Variants in BGN observed in about 807,000 individuals in gnomAD.
BGN encodes the protein bone/cartilage proteoglycan-I.
Under a neutral mutation model 20.0 loss-of-function variants are expected in BGN, and 6 were observed. That is an observed-to-expected ratio of 0.30 (90% CI 0.16 to 0.59). The LOEUF (loss-of-function observed/expected upper bound fraction) is 0.59. Ranked by LOEUF, BGN falls within the 20% of genes least tolerant of loss-of-function variation. The pLI is 0.88. For missense variants in BGN, 292 were observed against 312.1 expected (o/e 0.94, Z 0.49); for synonymous variants, 146 against 134.6 (o/e 1.08, Z -0.59).
chrX:153,495,970 C>T (rs2089710613), intron 1 of BGN, among the ~76,000 whole-genome samples: 1 of 112,724 alleles, frequency 8.9e-6, no homozygotes, highest in Non-Finnish European at 1.9e-5. Flanking sequence ...AGGGGCCTGC[C>T]AAGGGACCCA....
chrX:153,497,676 A>T (rs1278531082), intron 1 of BGN, among the ~76,000 whole-genome samples: 1 of 110,387 alleles, frequency 9.1e-6, no homozygotes, highest in African/African-American at 3.3e-5. Context: ...GCAGCCTTCC[A>T]GAAAGAACCA....
At position 153,505,261 on chromosome X, in the gene BGN, A is replaced by G; in HGVS notation, c.262A>G (p.Ile88Val). ...DLGLKSVPKEISPDTTLLDLQ... is the reference protein window; with the variant it reads ...DLGLKSVPKEVSPDTTLLDLQ... Reference sequence around the variant, plus strand: ...AGGTCTGAAGTCTGTGCCCAAAGAGATCTCCCCTGACACCACGCTGCTGGA... The same window carrying G: ...AGGTCTGAAGTCTGTGCCCAAAGAGGTCTCCCCTGACACCACGCTGCTGGA... The change falls in exon 3 of 8, where the codon ATC becomes GTC. Residue 88 changes from isoleucine (I) to valine (V), a missense_variant. Transcript: ENST00000331595. 8.3e-7 allele frequency: 1 copy of G among 1,205,775 alleles called. No individual in the cohort carries two copies. The highest frequency in any genetic ancestry group is 1.1e-6 in the Non-Finnish European group (1 of 891,627).
chrX:153,497,129 C>T (rs1313326835), intron 1 of BGN, among the ~76,000 whole-genome samples: 2 of 102,373 alleles, frequency 2.0e-5, no homozygotes, highest in African/African-American at 7.2e-5. Flanking sequence ...CCCTGCTTGT[C>T]GGAAATGTCT....
chrX:153,502,239 C>T (rs1241873768), intron 1 of BGN, among the ~76,000 whole-genome samples: 1 of 112,489 alleles, frequency 8.9e-6, no homozygotes, highest in Non-Finnish European at 1.9e-5. Context: ...TAGGCCCAGC[C>T]GGACCACCCC....
At chrX:153,504,542 C>A in intron 1 of BGN, 79 bp from the exon 2 acceptor site, 1 of 860,753 alleles carries the variant, frequency 1.2e-6, no homozygotes, top group Non-Finnish European at 1.6e-6. Context: ...AGTGCCACCA[C>A]ACACGCGGAA....
chrX:153,505,829 T>C (rs1556992962), intron 3 of BGN, 34 bp from the exon 4 acceptor site: 2 of 1,166,457 alleles, frequency 1.7e-6, no homozygotes, highest in Admixed American at 4.4e-5. Flanking sequence ...GTGGGGAGTC[T>C]GTGCCTTCAC....
intron 1 of BGN, among the ~76,000 whole-genome samples, chrX:153,496,026 G>A (rs1602969881): frequency 8.9e-6 from 1 of 112,363 alleles, no homozygotes. Context: ...GGAGGGGAGC[G>A]CCCCCTCACT....
At chrX:153,501,021 C>T (rs1556991726) in intron 1 of BGN, among the ~76,000 whole-genome samples, 1 of 107,620 alleles carries the variant, frequency 9.3e-6, no homozygotes, top group African/African-American at 3.4e-5. Context: ...TAGGTGTGTG[C>T]ACGTATATGT....
At position 153,508,361 on chromosome X, in the gene BGN, C is replaced by A; in HGVS notation, c.1023C>A (p.Pro341=). 1.6e-6 allele frequency: 2 copies of A among 1,212,338 alleles called. No homozygotes were observed. The highest frequency in any genetic ancestry group is 2.2e-6 in the Non-Finnish European group (2 of 895,615). ...YYNGISLFNN[P]VPYWEVQPAT... ...ACGGCATCAGCCTCTTCAACAACCCCGTGCCCTACTGGGAGGTGCAGCCGG... is the reference window on the plus strand; with the variant it reads ...ACGGCATCAGCCTCTTCAACAACCCAGTGCCCTACTGGGAGGTGCAGCCGG... The change falls in exon 8 of 8, where the codon CCC becomes CCA. Residue 341 remains proline (P), a synonymous_variant. Coordinates refer to ENST00000331595, the MANE Select transcript of BGN (RefSeq NM_001711.6).
At position 153,505,230 on chromosome X, in the gene BGN, G is replaced by C. The variant is rs1556992772; in HGVS notation, c.239-8G>C. 1 of 1,188,811 alleles carries C rather than the reference G, an allele frequency of 8.4e-7. No homozygotes were observed. Among genetic ancestry groups the C allele is most frequent in the South Asian group, 1.8e-5 (1 of 55,233 alleles). On this transcript the variant is annotated splice_region_variant and splice_polypyrimidine_tract_variant and intron_variant, in intron 2 of 7. Transcript: ENST00000331595. The stretch of plus-strand genomic sequence containing the variant: ...AGTTCATGCTGGTGATGGGGGTGGG[G>C]CCCCTAGGTCTGAAGTCTGTGCCCA...
At chrX:153,500,289 G>A (rs1414148405) in intron 1 of BGN, among the ~76,000 whole-genome samples, 4 of 112,815 alleles carry the variant, frequency 3.5e-5, no homozygotes, top group Non-Finnish European at 7.5e-5. Context: ...TCACACCTGC[G>A]GTCGCCAAAC....
intron 1 of BGN, among the ~76,000 whole-genome samples, chrX:153,497,778 A>G (rs2089729816): frequency 9.0e-6 from 1 of 111,034 alleles, no homozygotes; most frequent in Admixed American, 9.4e-5. Context: ...GTCCCCTTCC[A>G]GGCCAGAAGA....
chrX:153,502,976 T>G (rs2089771223), intron 1 of BGN, among the ~76,000 whole-genome samples: 1 of 111,752 alleles, frequency 8.9e-6, no homozygotes, highest in African/African-American at 3.3e-5. Context: ...GGGATGCCAA[T>G]GCAGGGGGGA....
chrX:153,498,954 C>T (rs1556991299), intron 1 of BGN, among the ~76,000 whole-genome samples: 1 of 111,688 alleles, frequency 9.0e-6, no homozygotes, highest in African/African-American at 3.3e-5. Context: ...AGCTTTGGGG[C>T]CTGTGGCACT....
chrX:153,503,251 C>T (rs782748418), intron 1 of BGN, among the ~76,000 whole-genome samples: 2 of 112,609 alleles, frequency 1.8e-5, no homozygotes, highest in Non-Finnish European at 1.9e-5. Flanking sequence ...CACCTCCCCA[C>T]GGCCTCCTTA....
intron 1 of BGN, among the ~76,000 whole-genome samples, chrX:153,501,040 G>A (rs1556991733): frequency 9.0e-6 from 1 of 111,431 alleles, no homozygotes; most frequent in African/African-American, 3.3e-5. Context: ...GTGTGGATGT[G>A]TGCATGTATG....
rs782280015 is a variant in BGN, at chrX:153,505,223, G to A, written c.239-15G>A. The A allele has an allele frequency of 5.1e-6, 6 of 1,179,627 alleles. No homozygotes were observed. In the Middle Eastern group the frequency reaches 7.1e-4, roughly 140 times the overall value. On this transcript the variant is annotated splice_polypyrimidine_tract_variant and intron_variant, in intron 2 of 7. Transcript: ENST00000331595. ...GGTCTCAAGTTCATGCTGGTGATGG[G>A]GGTGGGGCCCCTAGGTCTGAAGTCT...
rs782393931 is a variant in BGN, at chrX:153,508,233, C to A, written c.910-15C>A. 9.9e-6 allele frequency: 12 copies of A among 1,209,699 alleles called. No homozygotes were observed. Among genetic ancestry groups the A allele is most frequent in the South Asian group, 1.8e-5 (1 of 56,826 alleles). ...GGGAGGGAGGCCTGCCGTGACCCGG[C>A]CTCTCTGCCTTCAGGTGGTCTATCT... is the stretch of plus-strand genomic sequence containing the variant. On this transcript the variant is annotated splice_polypyrimidine_tract_variant and intron_variant, in intron 7 of 7. Transcript: ENST00000331595.
chrX:153,501,270 G>A (rs2089759442), intron 1 of BGN, among the ~76,000 whole-genome samples: 1 of 112,396 alleles, frequency 8.9e-6, no homozygotes, highest in South Asian at 3.6e-4. Flanking sequence ...GAGGTGGTGG[G>A]GAGAAGGCAG....
Sources: gnomAD v4.1 joint callset for allele counts (sites outside exome capture counted in the v4.1 genomes callset) on GRCh38, gnomAD v4.1.1 for gene constraint, MANE v1.5 for transcripts, NCBI Gene and HGNC (gene_info 2026-07-23, HGNC 2026-07-21) for gene names.